Variants in EYA2 observed in about 807,000 individuals in gnomAD.
EYA2 encodes protein phosphatase EYA2.
In EYA2, 31 loss-of-function variants were observed where a neutral mutation model predicts 69.2. The ratio of observed to expected loss-of-function variants is 0.45; its 90% CI spans 0.34 to 0.60. EYA2 has a LOEUF of 0.60. Among genes scored for constraint, EYA2 ranks in the 20% least tolerant of loss-of-function variants. The probability of loss-of-function intolerance (pLI) is 0.02; values close to 1 mark genes in which losing one functional copy is unlikely to be tolerated. For synonymous variants in EYA2, 257 were observed against 279.4 expected, an observed-to-expected ratio of 0.92 and a Z score of 0.80; for missense variants, 622 against 701.2, an observed-to-expected ratio of 0.89 and a Z score of 1.28.
chr20:46,997,826 C>T (rs747810992), intron 2 of EYA2: 1 of 152,340 alleles, frequency 6.6e-6, no homozygotes, highest in Admixed American at 6.5e-5. Flanking sequence ...GACACCAGAT[C>T]CCAAAGAGGG....
At chr20:47,156,141 T>A in intron 10 of EYA2, among the ~76,000 whole-genome samples, 1 of 14,220 alleles carries the variant, frequency 7.0e-5, no homozygotes, top group South Asian at 2.4e-3. Context: ...TATATATATA[T>A]ATATATATAT....
chr20:47,041,518 T>C (rs1227181644), intron 5 of EYA2, among the ~76,000 whole-genome samples: 2 of 152,224 alleles, frequency 1.3e-5, no homozygotes, highest in East Asian at 1.9e-4. Flanking sequence ...CTACCAGGAC[T>C]CATAAGCTTG....
intron 5 of EYA2, among the ~76,000 whole-genome samples, chr20:47,068,314 A>G (rs1266578050): frequency 1.3e-5 from 2 of 152,256 alleles, no homozygotes; most frequent in Non-Finnish European, 2.9e-5. Context: ...ATCTTTGTGT[A>G]GAGAAGCCAT....
intron 2 of EYA2, among the ~76,000 whole-genome samples, chr20:46,991,289 A>C (rs768237782): frequency 1.3e-4 from 20 of 152,220 alleles, no homozygotes; most frequent in Non-Finnish European, 2.5e-4. Context: ...CTCAGGGGGG[A>C]ATCCCAGCCC....
chr20:46,918,428 C>A (rs1985025575), intron 1 of EYA2, among the ~76,000 whole-genome samples: 2 of 152,102 alleles, frequency 1.3e-5, no homozygotes, highest in Admixed American at 1.3e-4. Context: ...CATGCCTCAG[C>A]CTCCCGAGTA....
At chr20:46,968,718 G>A (rs1188039106) in intron 1 of EYA2, among the ~76,000 whole-genome samples, 1 of 152,036 alleles carries the variant, frequency 6.6e-6, no homozygotes, top group Non-Finnish European at 1.5e-5. Flanking sequence ...CTCCCCATTG[G>A]TGATAACCAA....
intron 9 of EYA2, among the ~76,000 whole-genome samples, chr20:47,137,565 A>G (rs534651610): frequency 6.6e-6 from 1 of 152,322 alleles, no homozygotes; most frequent in Non-Finnish European, 1.5e-5. Context: ...GGTCAGACAG[A>G]GGGTTGCCTC....
At chr20:46,987,964 C>CTCTATATATATATA (rs1555809797) in intron 1 of EYA2, among the ~76,000 whole-genome samples, 1 of 11,282 alleles carries the variant, frequency 8.9e-5, no homozygotes, top group African/African-American at 2.7e-4. Flanking sequence ...CTCTCTCTCT[C>CTCTATATATATATA]TATATATATA....
At chr20:47,087,234 C>A (rs1171639047) in intron 7 of EYA2, among the ~76,000 whole-genome samples, 1 of 152,146 alleles carries the variant, frequency 6.6e-6, no homozygotes, top group Admixed American at 6.5e-5. Context: ...GGAAATAGTT[C>A]TTTCAGTGTA....
At chr20:47,150,920 C>T (rs2033810157) in intron 10 of EYA2, among the ~76,000 whole-genome samples, 1 of 152,002 alleles carries the variant, frequency 6.6e-6, no homozygotes, top group African/African-American at 2.4e-5. Context: ...AGTCTTTATT[C>T]TGGACAGTCA....
intron 10 of EYA2, among the ~76,000 whole-genome samples, chr20:47,163,954 T>G (rs983202419): frequency 6.6e-6 from 1 of 152,126 alleles, no homozygotes; most frequent in Non-Finnish European, 1.5e-5. Context: ...GCACTTCACC[T>G]GTGTCAAGGC....
chr20:46,901,874 C>T (rs951726412), intron 1 of EYA2: 2 of 152,276 alleles, frequency 1.3e-5, no homozygotes, highest in Admixed American at 1.3e-4. Flanking sequence ...AATGGAGCCC[C>T]GAAGATGATT....
intron 1 of EYA2, among the ~76,000 whole-genome samples, chr20:46,912,770 G>A (rs1200435062): frequency 1.4e-4 from 21 of 149,216 alleles, no homozygotes; most frequent in African/African-American, 4.2e-4. Flanking sequence ...GCGCAATCTC[G>A]GCTCACTGCA....
At chr20:47,019,800 C>T (rs1329730598) in intron 5 of EYA2, among the ~76,000 whole-genome samples, 1 of 136,602 alleles carries the variant, frequency 7.3e-6, no homozygotes, top group African/African-American at 2.8e-5. Flanking sequence ...TGAAACCCAT[C>T]TCTACAAAAA....
intron 5 of EYA2, among the ~76,000 whole-genome samples, chr20:47,066,633 T>C (rs1039698719): frequency 6.6e-6 from 1 of 152,154 alleles, no homozygotes; most frequent in Non-Finnish European, 1.5e-5. Flanking sequence ...CAAAATTTAC[T>C]CCTATCCCTT....
At position 47,188,228 on chromosome 20, in the gene EYA2, C is replaced by A; in HGVS notation, c.*95C>A. 1.6e-6 allele frequency: 2 copies of A among 1,287,724 alleles called. No homozygotes were observed. The highest frequency in any genetic ancestry group is 2.2e-6 in the Non-Finnish European group (2 of 921,912). The allele number at this position is 1,287,724 out of a possible 1,614,324, so 79.8% of individuals were successfully genotyped here. ...GAACTCCAGAGACCCAGATGTTGGA[C>A]ACCAGGAAGGGGCCCCACAGCCGAG... On this transcript the variant is annotated 3_prime_UTR_variant, in exon 16 of 16. Coordinates refer to ENST00000327619, the MANE Select transcript of EYA2 (RefSeq NM_005244.5).
intron 9 of EYA2, among the ~76,000 whole-genome samples, chr20:47,098,708 C>T (rs911543218): frequency 7.9e-5 from 12 of 152,234 alleles, no homozygotes; most frequent in African/African-American, 2.9e-4. Flanking sequence ...ACCTCCAACT[C>T]GGCTTCCTAT....
At chr20:46,922,540 A>G (rs1025377199) in intron 1 of EYA2, among the ~76,000 whole-genome samples, 9 of 152,218 alleles carry the variant, frequency 5.9e-5, no homozygotes, top group African/African-American at 1.7e-4. Context: ...TGAATTATAA[A>G]CCATTGAAAA....
chr20:47,164,573 G>A (rs577300405), intron 10 of EYA2, among the ~76,000 whole-genome samples: 7 of 152,272 alleles, frequency 4.6e-5, no homozygotes, highest in South Asian at 2.1e-4. Context: ...AGCGGTTGCC[G>A]TTTAAATCCC....
Sources: allele counts gnomAD v4.1 joint callset (sites outside exome capture counted in the v4.1 genomes callset), GRCh38; gene constraint gnomAD v4.1.1; transcripts MANE v1.5; gene names NCBI Gene and HGNC (gene_info 2026-07-23, HGNC 2026-07-21).